The following GALM variants were observed in gnomAD, a reference collection of about 807,000 sequenced individuals.
GALM encodes the protein aldose 1-epimerase.
A neutral mutation model predicts 37.4 loss-of-function variants in GALM; 43 were observed. The observed-to-expected ratio is 1.15, with a 90% confidence interval of 0.90 to 1.48. The LOEUF (loss-of-function observed/expected upper bound fraction) is 1.48, where lower values mean the gene tolerates loss of function less well. Ranked by LOEUF, GALM falls within the 40% of genes most tolerant of loss-of-function variation. GALM has a pLI of 0.00. For synonymous variants in GALM, 199 were observed against 170.6 expected (o/e 1.17, Z -1.30); for missense variants, 456 against 419.1 (o/e 1.09, Z -0.77).
At chr2:38,701,343 T>C (rs763514421) in intron 4 of GALM, among the ~76,000 whole-genome samples, 20 of 152,186 alleles carry the variant, frequency 1.3e-4, no homozygotes, top group Non-Finnish European at 2.5e-4. Flanking sequence ...CACAGTTTTT[T>C]TTTTCCTTAT....
At chr2:38,688,897 C>G (rs185078105) in intron 3 of GALM, among the ~76,000 whole-genome samples, 54 of 152,182 alleles carry the variant, frequency 3.5e-4, no homozygotes, top group African/African-American at 1.2e-3. Flanking sequence ...CTTGGCTCAC[C>G]GCAACCTCCA....
intron 3 of GALM, among the ~76,000 whole-genome samples, chr2:38,689,500 G>T (rs968038588): frequency 1.3e-5 from 2 of 152,176 alleles, no homozygotes; most frequent in Non-Finnish European, 2.9e-5. Flanking sequence ...GAGAAGAATA[G>T]AAGAAACACC....
At chr2:38,689,993 G>A (rs1665634585) in intron 4 of GALM, 99 bp downstream of exon 4, 1 of 681,478 alleles carries the variant, frequency 1.5e-6, no homozygotes, top group Non-Finnish European at 2.6e-6. Flanking sequence ...TCTTAATAAA[G>A]TCTACAGTTT....
At chr2:38,666,895 A>T (rs551394818) in intron 1 of GALM, among the ~76,000 whole-genome samples, 2 of 152,154 alleles carry the variant, frequency 1.3e-5, no homozygotes, top group Non-Finnish European at 2.9e-5. Flanking sequence ...AATAGAGAAG[A>T]CCAACTCAGT....
Position 38,733,604 on chromosome 2 carries a change from AG to A in GALM, c.*40del. 7.0e-7 allele frequency: 1 copy of A among 1,433,740 alleles called. No homozygotes were observed. Among genetic ancestry groups the A allele is most frequent in the Non-Finnish European group, 9.8e-7 (1 of 1,016,470 alleles). 88.8% of individuals were successfully genotyped at this position (1,433,740 alleles called of 1,614,324 possible). A position where few individuals can be genotyped will look rare whatever the true frequency, so the allele number is the denominator to read the frequency against. ...TATGATCCAGTCCAGGGCTAGGCTC[AG>A]CCACCTGTCTCCTGTCCAGAAAAAA... is the stretch of plus-strand genomic sequence containing the variant. On this transcript the variant is annotated 3_prime_UTR_variant, in exon 7 of 7. Transcript: ENST00000272252.
chr2:38,682,897 TA>T (rs70954743), intron 3 of GALM, among the ~76,000 whole-genome samples: 16,030 of 135,338 alleles, frequency 0.12, 919 homozygotes, highest in South Asian at 0.24. Context: ...ACTCCGTCTT[TA>T]AAAAAAAAAA....
rs769589872 is a variant in GALM, at chr2:38,666,265, C to T, written c.104C>T (p.Ser35Phe). The T allele has an allele frequency of 6.2e-7, 1 of 1,614,014 alleles. No individual in the cohort carries two copies. Among genetic ancestry groups the T allele is most frequent in the Non-Finnish European group, 8.5e-7 (1 of 1,179,880 alleles). The change falls in exon 1 of 7, where the codon TCC becomes TTC. Residue 35 changes from serine (S) to phenylalanine (F), a missense_variant. Physicochemically the swap from Ser to Phe is radical, Grantham distance 155. Transcript: ENST00000272252. ...GACCTCTTGAGAGTGGACATCATCT[C>T]CTGGGGCTGCACGATCACAGCCCTA... The part of the protein sequence containing the change: ...QSDLLRVDII[S>F]WGCTITALEV...
intron 4 of GALM, chr2:38,698,393 G>C (rs1210663093): frequency 7.7e-7 from 1 of 1,304,510 alleles, no homozygotes; most frequent in Non-Finnish European, 1.0e-6. Flanking sequence ...TTTCTGCAAG[G>C]CTGAGAGCTC....
intron 4 of GALM, among the ~76,000 whole-genome samples, chr2:38,695,974 C>T (rs1665795851): frequency 6.6e-6 from 1 of 152,082 alleles, no homozygotes; most frequent in African/African-American, 2.4e-5. Context: ...GCTGGGATTA[C>T]AGGTGTGAGC....
intron 4 of GALM, among the ~76,000 whole-genome samples, chr2:38,719,759 A>C (rs547750944): frequency 7.1e-6 from 1 of 141,638 alleles, no homozygotes; most frequent in African/African-American, 2.6e-5. Flanking sequence ...GGTCGACAAG[A>C]ACGAAATTCT....
intron 1 of GALM, among the ~76,000 whole-genome samples, chr2:38,672,168 G>C (rs554165430): frequency 6.6e-6 from 1 of 152,208 alleles, no homozygotes; most frequent in Non-Finnish European, 1.5e-5. Context: ...TGTGGTAGGA[G>C]CCCTGCTGTT....
intron 4 of GALM, among the ~76,000 whole-genome samples, chr2:38,716,208 C>A (rs565361898): frequency 6.6e-6 from 1 of 152,362 alleles, no homozygotes; most frequent in South Asian, 2.1e-4. Flanking sequence ...CCTGCAGCTT[C>A]TGAAAGCTGT....
intron 4 of GALM, among the ~76,000 whole-genome samples, chr2:38,691,724 G>GT (rs201178661): frequency 0.27 from 38,478 of 141,994 alleles, 5,621 homozygotes; most frequent in East Asian, 0.35. Flanking sequence ...TATTTCAGTA[G>GT]TTTTTTTTTT....
chr2:38,715,591 C>T (rs1242830318), intron 4 of GALM, among the ~76,000 whole-genome samples: 4 of 152,160 alleles, frequency 2.6e-5, no homozygotes, highest in Non-Finnish European at 4.4e-5. Context: ...GTATGCACCA[C>T]CACACCTGGC....
Position 38,686,429 on chromosome 2 carries a change from C to A in GALM, c.553-3384C>A, listed in dbSNP as rs529682310. 9.9e-5 allele frequency among the ~76,000 whole-genome samples: 15 copies of A among 151,850 alleles called. No individual in the cohort carries two copies. The East Asian group carries it at 2.3e-3, about 24-fold the overall frequency. Reference sequence around the variant, plus strand: ...TACAGGCGCCCACCACCATGCCCAGCTACTTTTTTGTATTTTTAGTAGAGA... The same window carrying A: ...TACAGGCGCCCACCACCATGCCCAGATACTTTTTTGTATTTTTAGTAGAGA... On this transcript the variant is annotated intron_variant, in intron 3 of 6. Transcript: ENST00000272252.
At position 38,725,566 on chromosome 2, in the gene GALM, G is replaced by GTA. The variant is rs1425337213; in HGVS notation, c.635-3981_635-3980dup. ...CACACACATACACACACACACACAC[G>GTA]TATATATATAATTGGGCATACACCT... On this transcript the variant is annotated intron_variant, in intron 4 of 6. Transcript: ENST00000272252. 2.0e-3 allele frequency among the ~76,000 whole-genome samples: 284 copies of GTA among 144,630 alleles called. 4 individuals carry two copies. The highest frequency in any genetic ancestry group is 7.3e-3 in the African/African-American group (276 of 37,858). 94.9% of individuals were successfully genotyped at this position (144,630 alleles called of 152,430 possible).
intron 4 of GALM, among the ~76,000 whole-genome samples, chr2:38,728,386 C>G (rs1257744772): frequency 1.5e-4 from 21 of 140,178 alleles, no homozygotes; most frequent in Admixed American, 4.6e-4. Context: ...GAGCAAAACT[C>G]TGTCTCAAAA....
chr2:38,689,746 T>A, intron 3 of GALM, 67 bp from the exon 4 acceptor site: 2 of 934,556 alleles, frequency 2.1e-6, no homozygotes, highest in Admixed American at 2.4e-5. Flanking sequence ...TTTTGCAAGA[T>A]AAGTTAAAAA....
intron 3 of GALM, among the ~76,000 whole-genome samples, chr2:38,682,621 G>A (rs909597365): frequency 6.6e-6 from 1 of 152,156 alleles, no homozygotes; most frequent in Non-Finnish European, 1.5e-5. Context: ...ACAAGGCCAG[G>A]TGCTGTGGCT....
Sources: allele counts gnomAD v4.1 joint callset (sites outside exome capture counted in the v4.1 genomes callset), GRCh38; gene constraint gnomAD v4.1.1; transcripts MANE v1.5; gene names NCBI Gene and HGNC (gene_info 2026-07-23, HGNC 2026-07-21).